The following SLCO1C1 variants were observed in gnomAD, a reference collection of about 807,000 sequenced individuals.
SLCO1C1 encodes the protein solute carrier organic anion transporter family member 1C1.
In SLCO1C1, 70 loss-of-function variants were observed where a neutral mutation model predicts 76.4. The observed-to-expected ratio is 0.92, with a 90% confidence interval of 0.76 to 1.12. The LOEUF (loss-of-function observed/expected upper bound fraction) is 1.12. Among genes scored for constraint, SLCO1C1 ranks in the 50% most tolerant of loss-of-function variants. The pLI is 0.00. For missense variants in SLCO1C1, 912 were observed against 823.8 expected, an observed-to-expected ratio of 1.11 and a Z score of -1.31; for synonymous variants, 306 against 286.1, an observed-to-expected ratio of 1.07 and a Z score of -0.70.
chr12:20,724,451 ATG>A (rs1376125062), intron 9 of SLCO1C1, among the ~76,000 whole-genome samples: 12 of 75,408 alleles, frequency 1.6e-4, no homozygotes, highest in African/African-American at 3.2e-4. Context: ...ATATATATAT[ATG>A]TGTGTGTGTG....
At chr12:20,702,082 A>G (rs1389559793) in intron 3 of SLCO1C1, among the ~76,000 whole-genome samples, 1 of 151,926 alleles carries the variant, frequency 6.6e-6, no homozygotes, top group Non-Finnish European at 1.5e-5. Flanking sequence ...TAATTTAAAG[A>G]GGATAATCCT....
chr12:20,733,644 G>C (rs1456060277), intron 10 of SLCO1C1, among the ~76,000 whole-genome samples: 1 of 152,310 alleles, frequency 6.6e-6, no homozygotes, highest in African/African-American at 2.4e-5. Flanking sequence ...ATCCTCCATA[G>C]TTGCTGTTGT....
intron 5 of SLCO1C1, 38 bp downstream of exon 5, chr12:20,711,548 A>T (rs757518750): frequency 2.1e-5 from 33 of 1,584,456 alleles, no homozygotes; most frequent in Middle Eastern, 1.7e-4. Flanking sequence ...ACAAGCTTTT[A>T]AAAAAAAGAC....
intron 10 of SLCO1C1, among the ~76,000 whole-genome samples, chr12:20,734,436 A>G (rs1013415280): frequency 1.3e-5 from 2 of 152,226 alleles, no homozygotes; most frequent in Non-Finnish European, 2.9e-5. Flanking sequence ...GCCCAGTGCC[A>G]TCTTTAACTG....
chr12:20,716,249 G>A (rs974741606), intron 6 of SLCO1C1, among the ~76,000 whole-genome samples: 10 of 152,256 alleles, frequency 6.6e-5, no homozygotes, highest in Middle Eastern at 3.4e-3. Context: ...TCAGGAACTG[G>A]AACTGCAACA....
chr12:20,737,182 A>C lies in SLCO1C1; in HGVS notation c.1458A>C (p.Lys486Asn). 3.2e-6 allele frequency: 5 copies of C among 1,567,692 alleles called. No individual in the cohort carries two copies. The highest frequency in any genetic ancestry group is 4.3e-6 in the Non-Finnish European group (5 of 1,163,226). The stretch of plus-strand genomic sequence containing the variant: ...CAAGATGCAAATGTTCAGAGACAAA[A>C]TGGGAACCCATGTGCGGTGAAAATG... The part of the protein sequence containing the change: ...CNSRCKCSET[K>N]WEPMCGENGI... The change falls in exon 11 of 15, where the codon AAA becomes AAC. Residue 486 changes from lysine to asparagine, a missense_variant. Physicochemically the swap from Lys to Asn is moderately conservative, Grantham distance 94. Coordinates refer to ENST00000266509, the MANE Select transcript of SLCO1C1 (RefSeq NM_017435.5).
chr12:20,740,552 G>T (rs1013196035), intron 12 of SLCO1C1, among the ~76,000 whole-genome samples, 184 bp downstream of exon 12: 1 of 151,646 alleles, frequency 6.6e-6, no homozygotes, highest in African/African-American at 2.4e-5. Context: ...TGGCTGAATA[G>T]AAGTTTTCTT....
intron 3 of SLCO1C1, 111 bp downstream of exon 3, chr12:20,701,570 A>AACT: frequency 6.8e-6 from 5 of 735,736 alleles, no homozygotes; most frequent in South Asian, 5.4e-5. Context: ...TATTCATAAA[A>AACT]TCTTTTTTTT....
chr12:20,718,495 T>C (rs892101347), intron 7 of SLCO1C1, among the ~76,000 whole-genome samples: 1 of 152,212 alleles, frequency 6.6e-6, no homozygotes, highest in East Asian at 1.9e-4. Flanking sequence ...TGCTTACACA[T>C]ACAAATCTTG....
At chr12:20,733,395 A>C (rs1186196857) in intron 10 of SLCO1C1, among the ~76,000 whole-genome samples, 1 of 152,220 alleles carries the variant, frequency 6.6e-6, no homozygotes, top group East Asian at 1.9e-4. Flanking sequence ...AACCTTGAAT[A>C]ATGCCTCTGT....
chr12:20,721,829 T>A lies in SLCO1C1; in HGVS notation c.801T>A (p.Asp267Glu). Residue 267 changes from aspartate (D) to glutamate (E), a missense_variant, in exon 8 of 15, where the codon GAT becomes GAA. Physicochemically the swap from Asp to Glu is conservative, Grantham distance 45. Coordinates refer to ENST00000266509, the MANE Select transcript of SLCO1C1 (RefSeq NM_017435.5). Reference protein sequence around the residue: ...NLDHITITPKDPQWVGAWWLG... With the variant: ...NLDHITITPKEPQWVGAWWLG... ...ATCACATAACCATTACCCCAAAAGA[T>A]CCCCAGTGGGTAGGAGCCTGGTGGC... 6.2e-7 allele frequency: 1 copy of A among 1,614,114 alleles called. No individual in the cohort carries two copies. The highest frequency in any genetic ancestry group is 2.2e-5 in the East Asian group (1 of 44,870).
At chr12:20,719,254 C>T in intron 7 of SLCO1C1, among the ~76,000 whole-genome samples, 1 of 151,226 alleles carries the variant, frequency 6.6e-6, no homozygotes, top group East Asian at 1.9e-4. Context: ...TGCATGTGTT[C>T]TGACTGCTCC....
chr12:20,747,960 T>G (rs1455559754), intron 13 of SLCO1C1, among the ~76,000 whole-genome samples: 3 of 152,220 alleles, frequency 2.0e-5, no homozygotes, highest in African/African-American at 7.2e-5. Context: ...TATTTTGAAG[T>G]AAGTCTCAGA....
At chr12:20,727,090 T>G (rs548657335) in intron 9 of SLCO1C1, among the ~76,000 whole-genome samples, 1 of 152,372 alleles carries the variant, frequency 6.6e-6, no homozygotes, top group South Asian at 2.1e-4. Context: ...GTACCACTTC[T>G]TTATTCAATC....
At chr12:20,696,218 C>A (rs1184646262) in intron 1 of SLCO1C1, among the ~76,000 whole-genome samples, 3 of 152,116 alleles carry the variant, frequency 2.0e-5, no homozygotes, top group Admixed American at 2.0e-4. Context: ...AGTTTCTAAA[C>A]AACACACACT....
At chr12:20,748,218 T>C (rs1949136873) in intron 13 of SLCO1C1, among the ~76,000 whole-genome samples, 1 of 152,208 alleles carries the variant, frequency 6.6e-6, no homozygotes, top group Non-Finnish European at 1.5e-5. Flanking sequence ...CCATAGGCTT[T>C]ACTTCCCTCT....
rs766878114 is a variant in SLCO1C1 at position 20,732,949 on chromosome 12, TG to T, written c.1233del (p.Ile412Ter). 4 of 1,614,028 alleles carry T rather than the reference TG, an allele frequency of 2.5e-6. No individual in the cohort carries two copies. Among genetic ancestry groups the T allele is most frequent in the African/African-American group, 1.3e-5 (1 of 75,046 alleles). ...CAGCAGTGGCCCTTGGAATATTCTC[TG>T]GGGGGATAGTTATGAAAAAATTCAG... The part of the protein sequence containing the change: ...IPAVALGIFS[G>X]GIVMKKFRIS... On this transcript the variant is annotated frameshift_variant, in exon 10 of 15. Coordinates refer to ENST00000266509, the MANE Select transcript of SLCO1C1 (RefSeq NM_017435.5). LOFTEE classifies it high-confidence loss of function.
chr12:20,705,228 C>CA (rs1399419006), intron 3 of SLCO1C1, among the ~76,000 whole-genome samples: 2 of 151,726 alleles, frequency 1.3e-5, no homozygotes, highest in East Asian at 1.9e-4. Context: ...TTTCTACTTT[C>CA]AAAAAAACCC....
chr12:20,701,433 G>C lies in SLCO1C1; in HGVS notation c.245G>C (p.Gly82Ala). The C allele has an allele frequency of 6.6e-7, 1 of 1,524,430 alleles. No homozygotes were observed. Among genetic ancestry groups the C allele is most frequent in the Non-Finnish European group, 8.9e-7 (1 of 1,119,082 alleles). 94.4% of individuals were successfully genotyped at this position (1,524,430 alleles called of 1,614,324 possible). A position where few individuals can be genotyped will look rare whatever the true frequency, so the allele number is the denominator to read the frequency against. The change falls in exon 3 of 15, where the codon GGA becomes GCA. Residue 82 changes from glycine (G) to alanine (A), a missense_variant. Gly to Ala is a moderately conservative substitution (Grantham distance 60, BLOSUM62 0). Coordinates refer to ENST00000266509, the MANE Select transcript of SLCO1C1 (RefSeq NM_017435.5). ...RRFDIPSSLV[G>A]VIDGSFEIGN... Reference sequence around the variant, plus strand: ...TTTGATATCCCTTCTTCACTGGTGGGAGTTATTGATGGTAGTTTTGAAATT... The same window carrying C: ...TTTGATATCCCTTCTTCACTGGTGGCAGTTATTGATGGTAGTTTTGAAATT...
Sources: allele counts gnomAD v4.1 joint callset (sites outside exome capture counted in the v4.1 genomes callset), GRCh38; gene constraint gnomAD v4.1.1; transcripts MANE v1.5; gene names NCBI Gene and HGNC (gene_info 2026-07-23, HGNC 2026-07-21).